IQCM: variants seen among roughly 807,000 people sequenced by gnomAD.
The protein encoded by IQCM is IQ domain-containing protein M.
A neutral mutation model predicts 57.6 loss-of-function variants in IQCM; 45 were observed. The observed-to-expected ratio is 0.78, with a 90% CI of 0.62 to 1.00. The LOEUF is 1.00. Ranked by LOEUF, IQCM falls within the 50% of genes least tolerant of loss-of-function variation. The pLI is 0.00. For missense variants in IQCM, 468 were observed against 511.6 expected (o/e 0.91, Z 0.82); for synonymous variants, 148 against 158.9 (o/e 0.93, Z 0.51).
At chr4:149,548,431 A>T (rs894247326) in intron 12 of IQCM, 24 bp downstream of exon 12, 10 of 1,229,704 alleles carry the variant, frequency 8.1e-6, no homozygotes, top group Non-Finnish European at 1.0e-5. Flanking sequence ...AGAAGGGGGG[A>T]AAAAGAAATG....
intron 10 of IQCM, among the ~76,000 whole-genome samples, chr4:149,562,002 A>G (rs1219627636): frequency 1.3e-5 from 2 of 152,144 alleles, no homozygotes; most frequent in African/African-American, 4.8e-5. Flanking sequence ...AAAATATAAG[A>G]TGACAAGAAA....
rs964858897 is a variant in IQCM, at chr4:149,810,376, A to G, written c.-49+4935T>C. The stretch of plus-strand genomic sequence containing the variant: ...GACACCATCTCCAAAAAAAAAAAAA[A>G]AAAAGAAAAGTTGGAGTGCTTATAC... On this transcript the variant is annotated intron_variant, in intron 2 of 13. Transcript: ENST00000636793. 5.3e-5 allele frequency among the ~76,000 whole-genome samples: 8 copies of G among 152,090 alleles called. 1 individual carries two copies. The highest frequency in any genetic ancestry group is 2.1e-4 in the South Asian group (1 of 4,822).
intron 2 of IQCM, among the ~76,000 whole-genome samples, chr4:149,814,866 C>T (rs1774908011): frequency 6.6e-6 from 1 of 151,960 alleles, no homozygotes; most frequent in Non-Finnish European, 1.5e-5. Flanking sequence ...GGATTTTTCT[C>T]ATGCCACATT....
chr4:149,757,120 T>C (rs1338573676), intron 2 of IQCM, among the ~76,000 whole-genome samples: 1 of 151,892 alleles, frequency 6.6e-6, no homozygotes, highest in Non-Finnish European at 1.5e-5. Context: ...TAGCCGGGCA[T>C]GGTGGCAGGC....
chr4:149,656,666 G>A (rs1242072276), intron 7 of IQCM, among the ~76,000 whole-genome samples: 1 of 152,024 alleles, frequency 6.6e-6, no homozygotes, highest in African/African-American at 2.4e-5. Context: ...AGAAGACCGG[G>A]AAAAACAACA....
At chr4:149,516,160 C>T (rs1002065461) in intron 12 of IQCM, among the ~76,000 whole-genome samples, 9 of 152,112 alleles carry the variant, frequency 5.9e-5, no homozygotes, top group African/African-American at 1.7e-4. Context: ...ACTGAGTCCT[C>T]GATATGGCAC....
chr4:149,727,259 C>G (rs755364315), intron 5 of IQCM, among the ~76,000 whole-genome samples: 8 of 152,144 alleles, frequency 5.3e-5, no homozygotes, highest in Non-Finnish European at 1.2e-4. Context: ...ATTGCCTCCT[C>G]AAACTTAAAA....
intron 9 of IQCM, among the ~76,000 whole-genome samples, chr4:149,576,743 T>A (rs1017874590): frequency 6.6e-6 from 1 of 151,962 alleles, no homozygotes; most frequent in Non-Finnish European, 1.5e-5. Context: ...CAATTTATAT[T>A]CCTTTGGGTA....
chr4:149,539,393 G>A (rs528520992), intron 12 of IQCM, among the ~76,000 whole-genome samples: 1 of 152,256 alleles, frequency 6.6e-6, no homozygotes, highest in South Asian at 2.1e-4. Flanking sequence ...GGGGGTAAGA[G>A]TAGGGATTAG....
intron 13 of IQCM, among the ~76,000 whole-genome samples, chr4:149,407,829 A>AT (rs536089869): frequency 3.9e-5 from 6 of 152,048 alleles, no homozygotes; most frequent in Admixed American, 1.3e-4. Flanking sequence ...TAAACACAGG[A>AT]TTTTTTATAT....
chr4:149,486,514 T>G (rs1434167795), intron 12 of IQCM, among the ~76,000 whole-genome samples: 1 of 152,066 alleles, frequency 6.6e-6, no homozygotes, highest in Non-Finnish European at 1.5e-5. Flanking sequence ...TTTGGGAGGC[T>G]GAGGCAGGTG....
intron 7 of IQCM, among the ~76,000 whole-genome samples, chr4:149,679,749 A>G (rs1762039437): frequency 1.3e-5 from 2 of 151,370 alleles, no homozygotes; most frequent in South Asian, 4.1e-4. Flanking sequence ...TTTACTATTT[A>G]TATATTATCT....
chr4:149,394,268 T>C (rs1040949264), intron 13 of IQCM, among the ~76,000 whole-genome samples: 2 of 152,002 alleles, frequency 1.3e-5, no homozygotes, highest in African/African-American at 4.8e-5. Flanking sequence ...TCATTATTTC[T>C]TTGATAATCT....
At chr4:149,812,419 A>G (rs533575241) in intron 2 of IQCM, among the ~76,000 whole-genome samples, 3 of 151,480 alleles carry the variant, frequency 2.0e-5, no homozygotes, top group Non-Finnish European at 4.4e-5. Flanking sequence ...ACCTCATGCT[A>G]AATTTCTTCC....
In IQCM at chr4:149,699,752, G is replaced by A. The variant is rs756464753; in HGVS notation, c.386-13284C>T. 9.4e-5 allele frequency among the ~76,000 whole-genome samples: 14 copies of A among 148,650 alleles called. No individual in the cohort carries two copies. The East Asian group carries it at 1.6e-3, about 17-fold the overall frequency. ...GGAAGTTAAAGACAGAGACCTTGAC[G>A]GAGATTTAGAGGCACCTCCCCTTGT... On this transcript the variant is annotated intron_variant, in intron 5 of 13. Transcript: ENST00000636793.
At chr4:149,751,784 C>G (rs879532508) in intron 2 of IQCM, among the ~76,000 whole-genome samples, 7 of 151,824 alleles carry the variant, frequency 4.6e-5, no homozygotes, top group Admixed American at 4.6e-4. Context: ...ATATGTAAAA[C>G]CAAGAGAGAG....
chr4:149,655,022 T>G (rs369601915), intron 7 of IQCM, among the ~76,000 whole-genome samples: 121 of 152,318 alleles, frequency 7.9e-4, no homozygotes, highest in African/African-American at 2.7e-3. Flanking sequence ...AAGTTATAAG[T>G]GTGTCTCACA....
intron 4 of IQCM, among the ~76,000 whole-genome samples, chr4:149,734,468 T>C (rs1766747001): frequency 6.6e-6 from 1 of 152,118 alleles, no homozygotes; most frequent in South Asian, 2.1e-4. Context: ...GATTACATGA[T>C]TAAAAGTATG....
At chr4:149,584,052 T>G (rs1394196275) in intron 9 of IQCM, among the ~76,000 whole-genome samples, 12 of 151,448 alleles carry the variant, frequency 7.9e-5, no homozygotes, top group African/African-American at 2.9e-4. Flanking sequence ...AACTAAAAAT[T>G]AAGAACAACA....
Sources: gnomAD v4.1 joint callset for allele counts (sites outside exome capture counted in the v4.1 genomes callset) on GRCh38, gnomAD v4.1.1 for gene constraint, MANE v1.5 for transcripts, NCBI Gene and HGNC (gene_info 2026-07-23, HGNC 2026-07-21) for gene names.